RECQL: variants seen among roughly 807,000 people sequenced by gnomAD.
RECQL encodes ATP-dependent DNA helicase Q1.
RECQL carries 73 observed loss-of-function variants against 75.8 expected under a neutral mutation model. The observed-to-expected ratio is 0.96, with a 90% CI of 0.80 to 1.17. The LOEUF is 1.17. Ranked by LOEUF, RECQL falls within the 50% of genes most tolerant of loss-of-function variation. RECQL has a pLI of 0.00. For synonymous variants in RECQL, 248 were observed against 254.4 expected, an observed-to-expected ratio of 0.97 and a Z score of 0.24; for missense variants, 699 against 772.1, an observed-to-expected ratio of 0.91 and a Z score of 1.12.
chr12:21,497,668 T>C (rs1943533172), intron 2 of RECQL, among the ~76,000 whole-genome samples: 1 of 152,190 alleles, frequency 6.6e-6, no homozygotes, highest in Non-Finnish European at 1.5e-5. Context: ...TGAATGCTCA[T>C]TAAAAACAAC....
Position 21,491,595 on chromosome 12 carries a change from T to G in RECQL, c.138A>C (p.Ile46=). 6.2e-7 allele frequency: 1 copy of G among 1,614,084 alleles called. No homozygotes were observed. The highest frequency in any genetic ancestry group is 1.7e-5 in the Admixed American group (1 of 60,028). The change falls in exon 3 of 15, where the codon ATA becomes ATC. Residue 46 remains isoleucine (I), a synonymous_variant. Coordinates refer to ENST00000444129, the MANE Select transcript of RECQL (RefSeq NM_002907.4). ...IQKKKVLTKK[I]KQCLEDSDAG... ...CATCAGAATCCTCTAAACACTGCTT[T>G]ATTTTCTTTGTCAGGACTTTTTTTT...
chr12:21,481,234 T>C (rs1268463660), intron 6 of RECQL, among the ~76,000 whole-genome samples: 1 of 151,818 alleles, frequency 6.6e-6, no homozygotes, highest in African/African-American at 2.4e-5. Context: ...GAATGTCGAG[T>C]AGAGTTATGG....
chr12:21,477,535 T>C (rs1005908303), intron 7 of RECQL, among the ~76,000 whole-genome samples: 1 of 152,186 alleles, frequency 6.6e-6, no homozygotes, highest in Non-Finnish European at 1.5e-5. Flanking sequence ...AAAAAGAACA[T>C]ACAGAAATTT....
chr12:21,490,270 T>C lies in RECQL; in HGVS notation c.323A>G (p.Glu108Gly). The change falls in exon 4 of 15, where the codon GAG (glutamate) becomes GGG (glycine). Residue 108 changes from glutamate to glycine, a missense_variant. Physicochemically the swap from Glu to Gly is moderately conservative, Grantham distance 98. Around this residue, in one of 2 missense-constraint regions of RECQL, gnomAD observed 669 missense variants for 713.5 expected, o/e 0.94. Coordinates refer to ENST00000444129, the MANE Select transcript of RECQL (RefSeq NM_002907.4). ...TCCTGTAGGCATAACAAGAAATACC[T>C]CCTTTCCAGCCATTGTTACGTTAAT... is the stretch of plus-strand genomic sequence containing the variant. ...ETINVTMAGK[E>G]VFLVMPTGGG... 1 of 1,612,932 alleles carries C rather than the reference T, an allele frequency of 6.2e-7. No homozygotes were observed. The highest frequency in any genetic ancestry group is 8.5e-7 in the Non-Finnish European group (1 of 1,179,122).
At chr12:21,480,719 A>G (rs935519568) in intron 6 of RECQL, among the ~76,000 whole-genome samples, 4 of 152,126 alleles carry the variant, frequency 2.6e-5, no homozygotes, top group African/African-American at 9.7e-5. Context: ...TCCCTGCAGC[A>G]GCACTTCTTT....
At position 21,470,362 on chromosome 12, in the gene RECQL, A is replaced by C. The variant is rs1555143175; in HGVS notation, c.1798-16T>G. The C allele has an allele frequency of 6.5e-7, 1 of 1,538,720 alleles. No individual in the cohort carries two copies. The highest frequency in any genetic ancestry group is 8.7e-7 in the Non-Finnish European group (1 of 1,147,100). On this transcript the variant is annotated splice_polypyrimidine_tract_variant and intron_variant, in intron 14 of 14. Coordinates refer to ENST00000444129, the MANE Select transcript of RECQL (RefSeq NM_002907.4). ...ACGATTCAGCCTACAAAAAAAAAAA[A>C]AAAACAAAGCAAGCACCTTGGTAAA...
intron 12 of RECQL, 149 bp downstream of exon 12, chr12:21,473,402 G>A: frequency 1.6e-6 from 1 of 642,318 alleles, no homozygotes; most frequent in Non-Finnish European, 2.7e-6. Flanking sequence ...ATATCACCTA[G>A]GAGACTATAC....
Position 21,483,532 on chromosome 12 carries a change from A to G in RECQL, c.544T>C (p.Ser182Pro). The G allele has an allele frequency of 6.3e-7, 1 of 1,580,050 alleles. No individual in the cohort carries two copies. The highest frequency in any genetic ancestry group is 1.2e-5 in the South Asian group (1 of 84,580). The change falls in exon 6 of 15, where the codon TCC becomes CCC. Residue 182 changes from serine to proline, a missense_variant. Ser to Pro is a moderately conservative substitution (Grantham distance 74). This residue lies in a region of RECQL where 669 missense variants were observed against 713.5 expected (regional missense o/e 0.94). Coordinates refer to ENST00000444129, the MANE Select transcript of RECQL (RefSeq NM_002907.4). The part of the protein sequence containing the change: ...WVHAEMVNKN[S>P]ELKLIYVTPE... ...GTCACATAAATCAGCTTTAACTCGG[A>G]GTTTTTATTTACCATTTCAGCATGA...
At chr12:21,497,759 C>A (rs1219355651) in intron 2 of RECQL, among the ~76,000 whole-genome samples, 2 of 152,206 alleles carry the variant, frequency 1.3e-5, no homozygotes, top group Non-Finnish European at 2.9e-5. Flanking sequence ...ACAACGAAGT[C>A]AAGAACAAAG....
At chr12:21,480,015 A>C (rs1943162175) in intron 6 of RECQL, among the ~76,000 whole-genome samples, 1 of 152,208 alleles carries the variant, frequency 6.6e-6, no homozygotes, top group Non-Finnish European at 1.5e-5. Flanking sequence ...CAAAAATGCT[A>C]TGCAAATGTG....
chr12:21,480,609 T>C (rs1376323152), intron 6 of RECQL, among the ~76,000 whole-genome samples: 1 of 152,168 alleles, frequency 6.6e-6, no homozygotes. Flanking sequence ...CAGCTTTGCC[T>C]GCTGGCCCTG....
intron 2 of RECQL, among the ~76,000 whole-genome samples, chr12:21,494,243 G>A (rs886556844): frequency 6.6e-6 from 1 of 152,088 alleles, no homozygotes. Context: ...CATTCATGAG[G>A]GATCCTGCTC....
chr12:21,496,469 C>T (rs1943510980), intron 2 of RECQL, among the ~76,000 whole-genome samples: 1 of 152,240 alleles, frequency 6.6e-6, no homozygotes, highest in African/African-American at 2.4e-5. Context: ...CTCTCTAGCC[C>T]TAATCTAGGC....
At chr12:21,475,097 A>C in intron 10 of RECQL, 118 bp from the exon 11 acceptor site, 1 of 999,538 alleles carries the variant, frequency 1.0e-6, no homozygotes, top group Non-Finnish European at 1.4e-6. Flanking sequence ...AATTTTAGAG[A>C]TGTGGAAGTT....
chr12:21,477,109 T>A, intron 7 of RECQL, 117 bp from the exon 8 acceptor site: 1 of 608,510 alleles, frequency 1.6e-6, no homozygotes. Flanking sequence ...TTCCTATTAC[T>A]CTTTCACTTA....
chr12:21,485,777 C>T (rs1346775090), intron 5 of RECQL, among the ~76,000 whole-genome samples: 1 of 151,810 alleles, frequency 6.6e-6, no homozygotes, highest in African/African-American at 2.4e-5. Flanking sequence ...AAAAGATTAG[C>T]CGTATGTTGA....
At chr12:21,486,451 T>TAAA in intron 5 of RECQL, 28 bp downstream of exon 5, 5 of 1,353,238 alleles carry the variant, frequency 3.7e-6, no homozygotes, top group East Asian at 2.6e-5. Flanking sequence ...TAGTTTACAT[T>TAAA]AAAAAAAAAA....
At chr12:21,480,850 C>CA (rs1265206946) in intron 6 of RECQL, among the ~76,000 whole-genome samples, 1 of 152,234 alleles carries the variant, frequency 6.6e-6, no homozygotes, top group African/African-American at 2.4e-5. Flanking sequence ...CTCAGTTCCA[C>CA]AAGCCCTCTT....
chr12:21,479,926 C>G (rs1456725609), intron 6 of RECQL, among the ~76,000 whole-genome samples: 1 of 152,162 alleles, frequency 6.6e-6, no homozygotes, highest in African/African-American at 2.4e-5. Flanking sequence ...ACCCATTCAT[C>G]AATAGATAAA....
Sources: allele counts gnomAD v4.1 joint callset (sites outside exome capture counted in the v4.1 genomes callset), GRCh38; gene constraint gnomAD v4.1.1; regional missense constraint gnomAD v4.1.1; transcripts MANE v1.5; gene names NCBI Gene and HGNC (gene_info 2026-07-23, HGNC 2026-07-21).